The following MIGA1 variants were observed in gnomAD, a reference collection of about 807,000 sequenced individuals.
The protein encoded by MIGA1 is mitoguardin 1.
A neutral mutation model predicts 82.0 loss-of-function variants in MIGA1; 58 were observed. The observed-to-expected ratio is 0.71, with a 90% CI of 0.57 to 0.88. The LOEUF is 0.88. Ranked by LOEUF, MIGA1 falls within the 40% of genes least tolerant of loss-of-function variation. The pLI is 0.00. For synonymous variants in MIGA1, 249 were observed against 253.6 expected, an observed-to-expected ratio of 0.98 and a Z score of 0.17; for missense variants, 751 against 749.1, an observed-to-expected ratio of 1.00 and a Z score of -0.03.
intron 9 of MIGA1, 92 bp from the exon 10 acceptor site, chr1:77,859,222 G>C: frequency 9.2e-7 from 1 of 1,092,172 alleles, no homozygotes; most frequent in Non-Finnish European, 1.4e-6. Context: ...TTTATATTAA[G>C]GTCCTGAGGT....
chr1:77,821,599 T>G (rs1683811044), intron 7 of MIGA1, among the ~76,000 whole-genome samples: 1 of 152,092 alleles, frequency 6.6e-6, no homozygotes, highest in African/African-American at 2.4e-5. Context: ...TTCTCCATGT[T>G]GGTCAGGTTG....
chr1:77,873,169 G>T, intron 15 of MIGA1, 49 bp downstream of exon 15: 1 of 1,541,708 alleles, frequency 6.5e-7, no homozygotes, highest in Non-Finnish European at 8.9e-7. Context: ...AATCAAAAAG[G>T]AGATACGGTT....
chr1:77,842,359 C>T (rs964304365), intron 7 of MIGA1, among the ~76,000 whole-genome samples: 29 of 152,216 alleles, frequency 1.9e-4, no homozygotes, highest in East Asian at 9.6e-4. Context: ...CTTGATAGGG[C>T]GAGATTAACC....
Position 77,843,357 on chromosome 1 carries a change from C to G in MIGA1, c.946C>G (p.Arg316Gly), listed in dbSNP as rs763185233. Residue 316 changes from arginine to glycine, a missense_variant, in exon 8 of 16, where the codon CGA becomes GGA. Arg to Gly is a moderately radical substitution (Grantham distance 125). Around this residue, in one of 3 missense-constraint regions of MIGA1, gnomAD observed 482 missense variants for 439.4 expected, o/e 1.10. Transcript: ENST00000370791. ...GGGTAATGTGGAAGACTTTGGCCTGCGAGACACCTTGAGCATCGCATCCAC... is the reference window on the plus strand; with the variant it reads ...GGGTAATGTGGAAGACTTTGGCCTGGGAGACACCTTGAGCATCGCATCCAC... 7 of 1,613,920 alleles carry G rather than the reference C, an allele frequency of 4.3e-6. No homozygotes were observed. The highest frequency in any genetic ancestry group is 5.9e-6 in the Non-Finnish European group (7 of 1,179,842).
At chr1:77,856,811 C>G (rs1685276640) in intron 8 of MIGA1, among the ~76,000 whole-genome samples, 2 of 151,964 alleles carry the variant, frequency 1.3e-5, no homozygotes, top group South Asian at 4.2e-4. Context: ...TTTTATTTAT[C>G]TTTTCAAAGA....
At chr1:77,820,502 A>G (rs1451519461) in intron 7 of MIGA1, among the ~76,000 whole-genome samples, 2 of 152,172 alleles carry the variant, frequency 1.3e-5, no homozygotes, top group Non-Finnish European at 2.9e-5. Flanking sequence ...CTGAGGATTA[A>G]ATGAAAGTTC....
intron 7 of MIGA1, among the ~76,000 whole-genome samples, chr1:77,822,916 C>T (rs1330747353): frequency 6.8e-6 from 1 of 147,614 alleles, no homozygotes; most frequent in Admixed American, 6.9e-5. Context: ...AGTCTTGGCT[C>T]GCTGCCACCT....
At chr1:77,857,726 GTT>G (rs766194564) in intron 8 of MIGA1, among the ~76,000 whole-genome samples, 13 of 110,950 alleles carry the variant, frequency 1.2e-4, no homozygotes, top group East Asian at 2.7e-4. Flanking sequence ...CTGGGTTGTT[GTT>G]TTTTTTTTTT....
intron 2 of MIGA1, among the ~76,000 whole-genome samples, chr1:77,787,511 C>T (rs1682218870): frequency 6.6e-6 from 1 of 151,876 alleles, no homozygotes; most frequent in African/African-American, 2.4e-5. Context: ...GCCTTAGCCT[C>T]CTGAGTAGCT....
At chr1:77,817,704 G>T (rs957630047) in intron 7 of MIGA1, among the ~76,000 whole-genome samples, 1 of 152,192 alleles carries the variant, frequency 6.6e-6, no homozygotes, top group Non-Finnish European at 1.5e-5. Flanking sequence ...AAATTGCCTA[G>T]AAGTCAGTTA....
chr1:77,872,967 G>A (rs1178364168), intron 14 of MIGA1, 37 bp from the exon 15 acceptor site: 1 of 1,611,356 alleles, frequency 6.2e-7, no homozygotes, highest in Non-Finnish European at 8.5e-7. Context: ...GTAACAAGAA[G>A]GTAGAAGTAA....
At chr1:77,809,263 C>A (rs1204487575) in intron 5 of MIGA1, among the ~76,000 whole-genome samples, 1 of 152,096 alleles carries the variant, frequency 6.6e-6, no homozygotes, top group Non-Finnish European at 1.5e-5. Context: ...TATCATCACC[C>A]ATCTGTTTCA....
At chr1:77,858,820 A>C in intron 8 of MIGA1, 118 bp from the exon 9 acceptor site, 1 of 625,226 alleles carries the variant, frequency 1.6e-6, no homozygotes, top group Non-Finnish European at 2.9e-6. Context: ...GGGTCTTACC[A>C]TGTTACCCAG....
rs550617926 is a variant in MIGA1, at chr1:77,782,251, G to A, written c.82-987G>A. Among the ~76,000 whole-genome samples, 17 of 152,228 alleles carry A rather than the reference G, an allele frequency of 1.1e-4. No individual in the cohort carries two copies. The South Asian group carries it at 1.9e-3, about 17-fold the overall frequency. ...AAATTTGGTAGACATAAACATTGTGGTTATTAGAGAAGCCCATTCTCTTGT... is the reference window on the plus strand; with the variant it reads ...AAATTTGGTAGACATAAACATTGTGATTATTAGAGAAGCCCATTCTCTTGT... On this transcript the variant is annotated intron_variant, in intron 1 of 15. Coordinates refer to ENST00000370791, the MANE Select transcript of MIGA1 (RefSeq NM_198549.4).
intron 8 of MIGA1, among the ~76,000 whole-genome samples, chr1:77,857,723 G>GT (rs1273544813): frequency 4.0e-4 from 45 of 112,912 alleles, no homozygotes; most frequent in Admixed American, 1.2e-3. Context: ...TTTCTGGGTT[G>GT]TTGTTTTTTT....
chr1:77,782,084 G>C (rs372716449), intron 1 of MIGA1, among the ~76,000 whole-genome samples: 1 of 151,546 alleles, frequency 6.6e-6, no homozygotes, highest in Non-Finnish European at 1.5e-5. Flanking sequence ...CACCCATCTC[G>C]GCCTCCCAAA....
chr1:77,866,560 A>T (rs1324237385), intron 14 of MIGA1, among the ~76,000 whole-genome samples, 169 bp downstream of exon 14: 1 of 151,900 alleles, frequency 6.6e-6, no homozygotes, highest in African/African-American at 2.4e-5. Flanking sequence ...TTCTTTTTTG[A>T]AGGCCTTCTT....
intron 2 of MIGA1, among the ~76,000 whole-genome samples, chr1:77,793,373 G>A (rs1682511867): frequency 6.6e-6 from 1 of 152,078 alleles, no homozygotes; most frequent in Admixed American, 6.6e-5. Flanking sequence ...AAAGTGCTGG[G>A]ATTATAGGCA....
At chr1:77,791,451 G>C (rs1179923475) in intron 2 of MIGA1, among the ~76,000 whole-genome samples, 1 of 151,844 alleles carries the variant, frequency 6.6e-6, no homozygotes, top group Admixed American at 6.6e-5. Flanking sequence ...CATTTACTGA[G>C]GGTCATTTAA....
Sources: gnomAD v4.1 joint callset for allele counts (sites outside exome capture counted in the v4.1 genomes callset) on GRCh38, gnomAD v4.1.1 for gene constraint, gnomAD v4.1.1 regional missense constraint, MANE v1.5 for transcripts, NCBI Gene and HGNC (gene_info 2026-07-23, HGNC 2026-07-21) for gene names.